The following MIPOL1 variants were observed in gnomAD, a reference collection of about 807,000 sequenced individuals.
MIPOL1 encodes mirror-image polydactyly 1.
A neutral mutation model predicts 60.9 loss-of-function variants in MIPOL1; 57 were observed. The observed-to-expected ratio is 0.94, with a 90% confidence interval of 0.76 to 1.17. MIPOL1 has a LOEUF of 1.17. MIPOL1 is among the 50% of genes most tolerant of loss of function. The pLI, the probability that MIPOL1 is intolerant of heterozygous loss-of-function variation, is 0.00. For missense variants in MIPOL1, 551 were observed against 511.6 expected, an observed-to-expected ratio of 1.08 and a Z score of -0.74; for synonymous variants, 179 against 168.8, an observed-to-expected ratio of 1.06 and a Z score of -0.47.
chr14:37,469,809 G>A (rs2094655492), intron 11 of MIPOL1, among the ~76,000 whole-genome samples: 1 of 152,106 alleles, frequency 6.6e-6, no homozygotes, highest in South Asian at 2.1e-4. Flanking sequence ...TCTCTCTTGT[G>A]TGTCCACCTT....
intron 1 of MIPOL1, among the ~76,000 whole-genome samples, chr14:37,216,746 A>C (rs867906985): frequency 1.3e-5 from 2 of 152,182 alleles, no homozygotes; most frequent in African/African-American, 4.8e-5. Flanking sequence ...ATGATAATGG[A>C]AACACAACAT....
chr14:37,206,885 A>G (rs1483308886), intron 1 of MIPOL1, among the ~76,000 whole-genome samples: 1 of 152,158 alleles, frequency 6.6e-6, no homozygotes, highest in Non-Finnish European at 1.5e-5. Context: ...TATTTACCCA[A>G]TGCCTGTACC....
intron 12 of MIPOL1, among the ~76,000 whole-genome samples, chr14:37,514,177 C>T (rs188419165): frequency 2.0e-5 from 3 of 152,200 alleles, no homozygotes; most frequent in East Asian, 3.9e-4. Flanking sequence ...TATGATCTAA[C>T]AGGTACGCTT....
rs148197091 is a variant in MIPOL1, at chr14:37,378,212, G to A, written c.936+8588G>A. On this transcript the variant is annotated intron_variant, in intron 10 of 12. Coordinates refer to ENST00000684589, the MANE Select transcript of MIPOL1 (RefSeq NM_001388067.1). ...ATCTTTATCTCAGAAAAATGCAAAT[G>A]TATTTTAACACAAATCATGTACATA... Among the ~76,000 whole-genome samples the A allele has an allele frequency of 1.9e-3, 295 of 152,100 alleles. 2 individuals are homozygous for A. Among genetic ancestry groups the A allele is most frequent in the African/African-American group, 6.7e-3 (278 of 41,506 alleles).
intron 11 of MIPOL1, among the ~76,000 whole-genome samples, chr14:37,444,713 A>C (rs757846291): frequency 5.9e-5 from 9 of 152,184 alleles, no homozygotes; most frequent in Non-Finnish European, 1.2e-4. Flanking sequence ...AGCACATCAA[A>C]AAGCTTATCC....
intron 11 of MIPOL1, among the ~76,000 whole-genome samples, chr14:37,489,481 A>G (rs1046786199): frequency 6.6e-6 from 1 of 152,238 alleles, no homozygotes; most frequent in Non-Finnish European, 1.5e-5. Flanking sequence ...ATCTAGTTTT[A>G]TTCCCTTGCT....
chr14:37,292,539 G>A (rs2085196454), intron 7 of MIPOL1, among the ~76,000 whole-genome samples: 1 of 136,998 alleles, frequency 7.3e-6, no homozygotes, highest in Admixed American at 8.2e-5. Flanking sequence ...GGAGTGCAGT[G>A]GTGTGATCTT....
Position 37,267,185 on chromosome 14 carries a change from C to A in MIPOL1, c.251+16C>A. ...AAAAATACAAGTAAGTGCTCACAGCCTTAGATTTAGAAGGAATTGGGGCCA... is the reference window on the plus strand; with the variant it reads ...AAAAATACAAGTAAGTGCTCACAGCATTAGATTTAGAAGGAATTGGGGCCA... On this transcript the variant is annotated intron_variant, in intron 4 of 12. Coordinates refer to ENST00000684589, the MANE Select transcript of MIPOL1 (RefSeq NM_001388067.1). 1 of 1,592,736 alleles carries A rather than the reference C, an allele frequency of 6.3e-7. No homozygotes were observed. Among genetic ancestry groups the A allele is most frequent in the East Asian group, 2.2e-5 (1 of 44,490 alleles).
chr14:37,540,544 G>C (rs1284827868), intron 12 of MIPOL1, among the ~76,000 whole-genome samples: 1 of 152,098 alleles, frequency 6.6e-6, no homozygotes, highest in Non-Finnish European at 1.5e-5. Context: ...GCTTCTGCAT[G>C]GAGGAATGGG....
At chr14:37,409,465 C>T (rs939447271) in intron 10 of MIPOL1, among the ~76,000 whole-genome samples, 2 of 152,092 alleles carry the variant, frequency 1.3e-5, no homozygotes, top group Non-Finnish European at 2.9e-5. Flanking sequence ...CTCTGTGAGA[C>T]ATTGACCATC....
chr14:37,533,114 A>G (rs1279720662), intron 12 of MIPOL1, among the ~76,000 whole-genome samples: 1 of 152,150 alleles, frequency 6.6e-6, no homozygotes, highest in Non-Finnish European at 1.5e-5. Flanking sequence ...ACAATTTCAG[A>G]GCCATCTGCC....
At chr14:37,262,911 A>G (rs912802523) in intron 3 of MIPOL1, among the ~76,000 whole-genome samples, 1 of 152,160 alleles carries the variant, frequency 6.6e-6, no homozygotes, top group African/African-American at 2.4e-5. Flanking sequence ...GTCACAAACT[A>G]TTTACAAAGC....
At chr14:37,363,670 T>C (rs1207968059) in intron 9 of MIPOL1, among the ~76,000 whole-genome samples, 1 of 152,222 alleles carries the variant, frequency 6.6e-6, no homozygotes, top group Non-Finnish European at 1.5e-5. Flanking sequence ...TTCAGAGCTA[T>C]CAGACAGGGA....
At chr14:37,200,073 T>G (rs1566961732) in intron 1 of MIPOL1, among the ~76,000 whole-genome samples, 1 of 152,202 alleles carries the variant, frequency 6.6e-6, no homozygotes, top group Non-Finnish European at 1.5e-5. Flanking sequence ...CCCTAATGAC[T>G]GATGGTATTG....
intron 9 of MIPOL1, among the ~76,000 whole-genome samples, chr14:37,365,972 T>C (rs1225961862): frequency 1.3e-5 from 2 of 152,132 alleles, no homozygotes; most frequent in Non-Finnish European, 2.9e-5. Flanking sequence ...CCATTTCTTC[T>C]AGATTTGTCA....
intron 12 of MIPOL1, among the ~76,000 whole-genome samples, chr14:37,518,628 A>G (rs2153629415): frequency 6.6e-6 from 1 of 152,266 alleles, no homozygotes; most frequent in Non-Finnish European, 1.5e-5. Flanking sequence ...AGCCACCGCA[A>G]CTGGCGTGAT....
chr14:37,459,859 G>A (rs1300429183), intron 11 of MIPOL1, among the ~76,000 whole-genome samples: 1 of 152,154 alleles, frequency 6.6e-6, no homozygotes, highest in Non-Finnish European at 1.5e-5. Flanking sequence ...CAGATAAGTT[G>A]AGGTCAGGAG....
At chr14:37,368,247 A>G (rs117504414) in intron 9 of MIPOL1, among the ~76,000 whole-genome samples, 4,652 of 152,186 alleles carry the variant, frequency 0.031, 105 homozygotes, top group Non-Finnish European at 0.047. Flanking sequence ...ATTGTATTAT[A>G]TATGTATGAA....
At chr14:37,274,422 T>C (rs1297326539) in intron 6 of MIPOL1, among the ~76,000 whole-genome samples, 2 of 151,444 alleles carry the variant, frequency 1.3e-5, no homozygotes, top group African/African-American at 2.4e-5. Context: ...GTCACCATCA[T>C]TGATACTGTT....
Sources: allele counts gnomAD v4.1 joint callset (sites outside exome capture counted in the v4.1 genomes callset), GRCh38; gene constraint gnomAD v4.1.1; transcripts MANE v1.5; gene names NCBI Gene and HGNC (gene_info 2026-07-23, HGNC 2026-07-21).